Variants in KCNQ5 observed in about 807,000 individuals in gnomAD.
The protein encoded by KCNQ5 is potassium voltage-gated channel subfamily Q member 5, also known as potassium voltage-gated channel subfamily KQT member 5.
Under a neutral mutation model 98.2 loss-of-function variants are expected in KCNQ5, and 30 were observed. The ratio of observed to expected loss-of-function variants is 0.31; its 90% CI spans 0.23 to 0.41. The LOEUF (loss-of-function observed/expected upper bound fraction) is 0.41. Among genes scored for constraint, KCNQ5 ranks in the 10% least tolerant of loss-of-function variants. The probability of loss-of-function intolerance (pLI) is 1.00; values close to 1 mark genes in which losing one functional copy is unlikely to be tolerated. For missense variants in KCNQ5, 835 were observed against 1,182.5 expected, an observed-to-expected ratio of 0.71 and a Z score of 4.31; for synonymous variants, 458 against 449.4, an observed-to-expected ratio of 1.02 and a Z score of -0.24.
chr6:72,982,487 C>CTTTTTTTTTTTTTTTTTTTTTTTTTTTT (rs141947372), intron 1 of KCNQ5, among the ~76,000 whole-genome samples: 2 of 60,260 alleles, frequency 3.3e-5, no homozygotes, highest in Non-Finnish European at 5.7e-5. Context: ...GCAACCCCTG[C>CTTTTTTTTTTTTTTTTTTTTTTTTTTTT]TTTTTTTTTT....
At chr6:72,776,757 G>C (rs1773181099) in intron 1 of KCNQ5, among the ~76,000 whole-genome samples, 3 of 152,182 alleles carry the variant, frequency 2.0e-5, no homozygotes, top group Admixed American at 6.5e-5. Context: ...ATAGGTGCAA[G>C]AGATATAAAA....
chr6:72,809,197 T>C (rs1469252903), intron 1 of KCNQ5, among the ~76,000 whole-genome samples: 2 of 125,964 alleles, frequency 1.6e-5, no homozygotes, highest in Admixed American at 1.9e-4. Context: ...AACAATGAGA[T>C]CACATGGACA....
chr6:73,150,820 GTA>G (rs1554215756), intron 10 of KCNQ5, among the ~76,000 whole-genome samples: 70 of 78,336 alleles, frequency 8.9e-4, no homozygotes, highest in African/African-American at 1.9e-3. Context: ...TGTGGGAAGT[GTA>G]TATATATATA....
Position 72,653,687 on chromosome 6 carries a change from T to G in KCNQ5, c.398+31100T>G, listed in dbSNP as rs138738585. 4.6e-5 allele frequency among the ~76,000 whole-genome samples: 7 copies of G among 152,206 alleles called. No individual in the cohort carries two copies. In the East Asian group the frequency reaches 1.4e-3, roughly 29 times the overall value. On this transcript the variant is annotated intron_variant, in intron 1 of 13. Coordinates refer to ENST00000370398, the MANE Select transcript of KCNQ5 (RefSeq NM_019842.4). ...TAAATGTGGATATAAAAATAGTTAA[T>G]TCTCTTGCTAAGGATACTCATTTAT...
intron 1 of KCNQ5, among the ~76,000 whole-genome samples, chr6:72,663,358 A>C (rs1323340654): frequency 2.0e-5 from 3 of 152,164 alleles, no homozygotes; most frequent in African/African-American, 7.2e-5. Flanking sequence ...TAAATACTGC[A>C]ATTATAATTA....
chr6:72,817,439 C>A (rs1014545129), intron 1 of KCNQ5, among the ~76,000 whole-genome samples: 6 of 152,112 alleles, frequency 3.9e-5, no homozygotes, highest in Admixed American at 3.9e-4. Context: ...AGCACTAGTA[C>A]AAAGGCAGCA....
chr6:72,826,134 G>A (rs1273759885), intron 1 of KCNQ5, among the ~76,000 whole-genome samples: 1 of 152,008 alleles, frequency 6.6e-6, no homozygotes, highest in Non-Finnish European at 1.5e-5. Context: ...GGGTATAAAA[G>A]CAAAACTACA....
chr6:73,141,290 C>G (rs1776698946), intron 10 of KCNQ5, among the ~76,000 whole-genome samples: 1 of 152,206 alleles, frequency 6.6e-6, no homozygotes, highest in African/African-American at 2.4e-5. Flanking sequence ...CCAGAGCCCC[C>G]ACCTCTTAAT....
intron 10 of KCNQ5, among the ~76,000 whole-genome samples, chr6:73,168,129 A>G (rs535966292): frequency 1.2e-4 from 19 of 152,286 alleles, no homozygotes; most frequent in African/African-American, 4.1e-4. Context: ...CTCTTCCCGC[A>G]CCACCGCCTG....
chr6:72,824,077 C>T (rs577758950), intron 1 of KCNQ5, among the ~76,000 whole-genome samples: 68 of 152,104 alleles, frequency 4.5e-4, no homozygotes, highest in Middle Eastern at 3.4e-3. Flanking sequence ...TCATCCAGGA[C>T]TACTAGATTC....
At chr6:72,845,229 A>G (rs1288440258) in intron 1 of KCNQ5, among the ~76,000 whole-genome samples, 2 of 152,216 alleles carry the variant, frequency 1.3e-5, no homozygotes, top group African/African-American at 4.8e-5. Context: ...AGCAAAAAGA[A>G]TGACCGTAAG....
In KCNQ5 at chr6:73,111,391, C is replaced by T; in HGVS notation, c.1113C>T (p.Ala371=). 1 of 1,607,404 alleles carries T rather than the reference C, an allele frequency of 6.2e-7. No individual in the cohort carries two copies. The highest frequency in any genetic ancestry group is 8.5e-7 in the Non-Finnish European group (1 of 1,177,198). ...TTGAGAAAAGAAGGAACCCAGCTGC[C>T]AACCTCATTCAGGTAAATGTCAATG... ...KHFEKRRNPA[A]NLIQCVWRSY... is the part of the protein sequence containing the mutation. Residue 371 remains alanine (A), a synonymous_variant, in exon 7 of 14, where the codon GCC becomes GCT. Coordinates refer to ENST00000370398, the MANE Select transcript of KCNQ5 (RefSeq NM_019842.4).
chr6:72,629,249 A>G (rs1331700367), intron 1 of KCNQ5, among the ~76,000 whole-genome samples: 2 of 152,178 alleles, frequency 1.3e-5, no homozygotes, highest in African/African-American at 4.8e-5. Context: ...ATTCTGAATT[A>G]AGTTTATGTC....
intron 1 of KCNQ5, among the ~76,000 whole-genome samples, chr6:72,856,445 T>C (rs890979192): frequency 7.7e-6 from 1 of 129,734 alleles, no homozygotes; most frequent in Non-Finnish European, 1.6e-5. Context: ...TATGTATACA[T>C]ACACACACAC....
At chr6:72,942,958 C>T (rs892813260) in intron 1 of KCNQ5, among the ~76,000 whole-genome samples, 1 of 152,138 alleles carries the variant, frequency 6.6e-6, no homozygotes, top group Non-Finnish European at 1.5e-5. Context: ...TTTAAACTTA[C>T]AAAGCTGAAC....
At chr6:72,623,895 G>A (rs2098916804) in intron 1 of KCNQ5, among the ~76,000 whole-genome samples, 1 of 152,162 alleles carries the variant, frequency 6.6e-6, no homozygotes, top group African/African-American at 2.4e-5. Flanking sequence ...CCAGAAACGT[G>A]TTTTGAAATA....
chr6:73,082,866 T>G (rs1466466313), intron 5 of KCNQ5, among the ~76,000 whole-genome samples: 1 of 149,182 alleles, frequency 6.7e-6, no homozygotes, highest in Non-Finnish European at 1.5e-5. Context: ...TTGCAAAGAG[T>G]CAGCATGTTC....
In KCNQ5 at chr6:72,824,206, G is replaced by T. The variant is rs1323268339; in HGVS notation, c.399-179702G>T. ...TATGAATCATAAATTAATCACAAGTGCCATACCTATTATTTTAGAAGCAAT... is the reference window on the plus strand; with the variant it reads ...TATGAATCATAAATTAATCACAAGTTCCATACCTATTATTTTAGAAGCAAT... On this transcript the variant is annotated intron_variant, in intron 1 of 13. Transcript: ENST00000370398. Among the ~76,000 whole-genome samples the T allele has an allele frequency of 2.6e-5, 4 of 152,090 alleles. No individual in the cohort carries two copies. The South Asian group carries it at 6.3e-4, about 24-fold the overall frequency.
chr6:73,158,145 G>C, intron 10 of KCNQ5: 2 of 379,302 alleles, frequency 5.3e-6, no homozygotes, highest in South Asian at 4.4e-5. Flanking sequence ...CTCCTGGTGC[G>C]GGGGAGGGGG....
Sources: allele counts gnomAD v4.1 joint callset (sites outside exome capture counted in the v4.1 genomes callset), GRCh38; gene constraint gnomAD v4.1.1; transcripts MANE v1.5; gene names NCBI Gene and HGNC (gene_info 2026-07-23, HGNC 2026-07-21).